The following CNTNAP2 variants were observed in gnomAD, a reference collection of about 807,000 sequenced individuals.
The protein encoded by CNTNAP2 is contactin associated protein 2.
CNTNAP2 carries 98 observed loss-of-function variants against 155.2 expected under a neutral mutation model. The observed-to-expected ratio is 0.63, with a 90% CI of 0.54 to 0.75. The LOEUF is 0.75. Ranked by LOEUF, CNTNAP2 falls within the 30% of genes least tolerant of loss-of-function variation. The pLI, the probability that CNTNAP2 is intolerant of heterozygous loss-of-function variation, is 0.00. For synonymous variants in CNTNAP2, 651 were observed against 631.2 expected (o/e 1.03, Z -0.47); for missense variants, 1,727 against 1,688.1 (o/e 1.02, Z -0.40).
At chr7:148,219,637 G>T (rs2116760980) in intron 19 of CNTNAP2, among the ~76,000 whole-genome samples, 1 of 152,264 alleles carries the variant, frequency 6.6e-6, no homozygotes, top group South Asian at 2.1e-4. Context: ...TTCAAGACTA[G>T]CCTGGGCAAC....
chr7:146,353,840 A>G (rs1794958418), intron 1 of CNTNAP2, among the ~76,000 whole-genome samples: 1 of 152,174 alleles, frequency 6.6e-6, no homozygotes, highest in African/African-American at 2.4e-5. Context: ...ATAATTATTG[A>G]TCTGTATGAA....
At chr7:146,671,721 T>C (rs1212239871) in intron 1 of CNTNAP2, among the ~76,000 whole-genome samples, 1 of 152,176 alleles carries the variant, frequency 6.6e-6, no homozygotes, top group Non-Finnish European at 1.5e-5. Context: ...AATGATAATT[T>C]AGCCTTATAT....
intron 3 of CNTNAP2, among the ~76,000 whole-genome samples, chr7:146,952,417 A>G (rs894546937): frequency 2.6e-5 from 4 of 152,290 alleles, no homozygotes; most frequent in African/African-American, 7.2e-5. Flanking sequence ...GAGTATTGGA[A>G]GTTCTGGCCA....
At chr7:148,219,622 A>T (rs1449903265) in intron 19 of CNTNAP2, among the ~76,000 whole-genome samples, 1 of 152,198 alleles carries the variant, frequency 6.6e-6, no homozygotes, top group African/African-American at 2.4e-5. Context: ...GCTTGAGGCC[A>T]GTAGTTCAAG....
intron 1 of CNTNAP2, among the ~76,000 whole-genome samples, chr7:146,751,111 A>C (rs573797822): frequency 6.6e-6 from 1 of 152,244 alleles, no homozygotes; most frequent in Non-Finnish European, 1.5e-5. Context: ...AAAGAGTCTT[A>C]ATAGCATGGG....
At chr7:146,910,852 A>C (rs1004611895) in intron 3 of CNTNAP2, among the ~76,000 whole-genome samples, 4 of 150,424 alleles carry the variant, frequency 2.7e-5, no homozygotes, top group African/African-American at 5.0e-5. Context: ...AGAAACTACC[A>C]TCAGAGTGAA....
intron 10 of CNTNAP2, among the ~76,000 whole-genome samples, chr7:147,462,063 A>G (rs1798035137): frequency 6.6e-6 from 1 of 151,896 alleles, no homozygotes; most frequent in South Asian, 2.1e-4. Context: ...CTTTATACCT[A>G]ATTTTGCCCA....
At chr7:146,737,770 T>G (rs900673252) in intron 1 of CNTNAP2, among the ~76,000 whole-genome samples, 1 of 152,118 alleles carries the variant, frequency 6.6e-6, no homozygotes, top group African/African-American at 2.4e-5. Context: ...TTATTTTACT[T>G]AACATAATGT....
At position 148,242,363 on chromosome 7, in the gene CNTNAP2, C is replaced by T. The variant is rs541297444; in HGVS notation, c.3381+12584C>T. Among the ~76,000 whole-genome samples, 3 of 152,302 alleles carry T rather than the reference C, an allele frequency of 2.0e-5. No individual in the cohort carries two copies. The South Asian group carries it at 6.2e-4, about 32-fold the overall frequency. On this transcript the variant is annotated intron_variant, in intron 20 of 23. Coordinates refer to ENST00000361727, the MANE Select transcript of CNTNAP2 (RefSeq NM_014141.6). ...TTCTGAAGGGTTCCACGCTGCCCTT[C>T]CACTCAGGCAGGGAGAAGTCAGTCC... is the stretch of plus-strand genomic sequence containing the variant.
intron 21 of CNTNAP2, among the ~76,000 whole-genome samples, chr7:148,345,539 T>C (rs903716769): frequency 1.3e-5 from 2 of 152,042 alleles, no homozygotes. Flanking sequence ...ATTTTTTGTA[T>C]TTTTACTATT....
chr7:147,014,177 ATTAT>A (rs1219824676), intron 3 of CNTNAP2, among the ~76,000 whole-genome samples: 1 of 152,168 alleles, frequency 6.6e-6, no homozygotes, highest in East Asian at 1.9e-4. Flanking sequence ...TTTAATGTTA[ATTAT>A]TCTGTGTTCC....
chr7:147,480,607 G>C (rs1798403834), intron 10 of CNTNAP2, among the ~76,000 whole-genome samples: 1 of 152,164 alleles, frequency 6.6e-6, no homozygotes, highest in African/African-American at 2.4e-5. Flanking sequence ...ATGTCACTCT[G>C]AGTAGATCAG....
intron 3 of CNTNAP2, among the ~76,000 whole-genome samples, chr7:146,842,994 CTTTTTTTTTTTTTTT>C (rs35387068): frequency 7.3e-5 from 1 of 13,636 alleles, no homozygotes; most frequent in East Asian, 3.8e-3. Flanking sequence ...CTGTCCCACA[CTTTTTTTTTTTTTTT>C]TTTTTTTTTT....
At chr7:147,863,724 T>C (rs1215557992) in intron 13 of CNTNAP2, among the ~76,000 whole-genome samples, 1 of 152,194 alleles carries the variant, frequency 6.6e-6, no homozygotes, top group South Asian at 2.1e-4. Flanking sequence ...TGCAGAAATA[T>C]CTTGTTTTGA....
intron 1 of CNTNAP2, among the ~76,000 whole-genome samples, chr7:146,352,396 A>T (rs1010923228): frequency 6.6e-6 from 1 of 152,186 alleles, no homozygotes; most frequent in Admixed American, 6.5e-5. Flanking sequence ...TTTATTGAAT[A>T]GTCATCTTTT....
chr7:146,756,371 T>A (rs1049469078), intron 1 of CNTNAP2, among the ~76,000 whole-genome samples: 5 of 152,046 alleles, frequency 3.3e-5, no homozygotes, highest in African/African-American at 1.2e-4. Context: ...AGCATAGTGG[T>A]ATGCTTGATA....
At chr7:147,133,862 TATTA>T (rs1801426516) in intron 8 of CNTNAP2, among the ~76,000 whole-genome samples, 1 of 152,100 alleles carries the variant, frequency 6.6e-6, no homozygotes, top group African/African-American at 2.4e-5. Flanking sequence ...ATTTCTGCTT[TATTA>T]GTTTTGCTTT....
At chr7:147,887,386 G>A (rs1313114851) in intron 13 of CNTNAP2, among the ~76,000 whole-genome samples, 2 of 152,194 alleles carry the variant, frequency 1.3e-5, no homozygotes, top group Non-Finnish European at 1.5e-5. Context: ...CAGGAGAATT[G>A]CTTGGACCCA....
At chr7:147,959,271 C>A (rs1037771872) in intron 14 of CNTNAP2, among the ~76,000 whole-genome samples, 1 of 151,962 alleles carries the variant, frequency 6.6e-6, no homozygotes, top group Non-Finnish European at 1.5e-5. Flanking sequence ...CTTTCCATGA[C>A]CTTCTCCCTT....
Sources: gnomAD v4.1 joint callset for allele counts (sites outside exome capture counted in the v4.1 genomes callset) on GRCh38, gnomAD v4.1.1 for gene constraint, MANE v1.5 for transcripts, NCBI Gene and HGNC (gene_info 2026-07-23, HGNC 2026-07-21) for gene names.